The following ALPK1 variants were observed in gnomAD, a reference collection of about 807,000 sequenced individuals.
ALPK1 encodes the protein alpha-protein kinase 1.
In ALPK1, 110 loss-of-function variants were observed where a neutral mutation model predicts 120.6. The ratio of observed to expected loss-of-function variants is 0.91; its 90% CI spans 0.78 to 1.07. The LOEUF (loss-of-function observed/expected upper bound fraction) is 1.07, where lower values mean the gene tolerates loss of function less well. Ranked by LOEUF, ALPK1 falls within the 50% of genes least tolerant of loss-of-function variation. ALPK1 has a pLI of 0.00. For synonymous variants in ALPK1, 582 were observed against 560.3 expected, an observed-to-expected ratio of 1.04 and a Z score of -0.55; for missense variants, 1,498 against 1,483.9, an observed-to-expected ratio of 1.01 and a Z score of -0.16.
chr4:112,363,056 A>G, intron 2 of ALPK1, among the ~76,000 whole-genome samples: 1 of 152,344 alleles, frequency 6.6e-6, no homozygotes, highest in East Asian at 1.9e-4. Context: ...TGCCACTACC[A>G]AGCCAGCACT....
At position 112,305,715 on chromosome 4, in the gene ALPK1, CT is replaced by C. The variant is rs201018280; in HGVS notation, c.-153+8250del. ...GCAAACAGGGACAATTTGACTTCCT[CT>C]TTTCCTAATTGAATACCCTTTATGT... On this transcript the variant is annotated intron_variant, in intron 1 of 15. Transcript: ENST00000650871. 7.7e-3 allele frequency among the ~76,000 whole-genome samples: 1,168 copies of C among 152,222 alleles called. 15 individuals carry two copies. The highest frequency in any genetic ancestry group is 0.046 in the East Asian group (238 of 5,190).
chr4:112,326,784 C>T (rs550065001), intron 2 of ALPK1, among the ~76,000 whole-genome samples: 11 of 152,288 alleles, frequency 7.2e-5, no homozygotes, highest in African/African-American at 1.9e-4. Context: ...TAAATCTAGG[C>T]ATTGTTGATT....
At position 112,410,854 on chromosome 4, in the gene ALPK1, T is replaced by C. The variant is rs558970549; in HGVS notation, c.277-973T>C. The C allele has an allele frequency of 3.2e-5, 5 of 154,546 alleles. No homozygotes were observed. In the South Asian group the frequency reaches 8.1e-4, roughly 25 times the overall value. 9.6% of individuals were successfully genotyped at this position (154,546 alleles called of 1,614,324 possible). ...TTTATTCATTAACTAAACATGATGA[T>C]ATAAATCAAATATGGACTGTTATCT... On this transcript the variant is annotated intron_variant, in intron 4 of 15. Transcript: ENST00000650871.
At chr4:112,374,616 G>C (rs1330674726) in intron 2 of ALPK1, among the ~76,000 whole-genome samples, 2 of 152,196 alleles carry the variant, frequency 1.3e-5, no homozygotes, top group East Asian at 3.8e-4. Context: ...GATATAAGCT[G>C]TGATCACTAT....
intron 2 of ALPK1, among the ~76,000 whole-genome samples, chr4:112,337,523 C>T (rs900144250): frequency 3.3e-5 from 5 of 152,018 alleles, no homozygotes; most frequent in Non-Finnish European, 5.9e-5. Context: ...AGTGAGACTC[C>T]ATCTCTACAA....
intron 2 of ALPK1, chr4:112,358,500 C>A: frequency 1.5e-6 from 1 of 678,102 alleles, no homozygotes; most frequent in East Asian, 2.6e-5. Context: ...CAGAGGCCCT[C>A]AGGGTCACCA....
rs577511360 is a variant in ALPK1, at chr4:112,359,024, G to A, written c.-100-18654G>A. 6.7e-5 allele frequency: 51 copies of A among 765,222 alleles called. 1 individual carries two copies. Among genetic ancestry groups the A allele is most frequent in the South Asian group, 6.6e-4 (49 of 74,514 alleles). The allele number at this position is 765,222 out of a possible 1,614,324, so 47.4% of individuals were successfully genotyped here. A position where few individuals can be genotyped will look rare whatever the true frequency, so the allele number is the denominator to read the frequency against. On this transcript the variant is annotated intron_variant, in intron 2 of 15. Transcript: ENST00000650871. ...TAACAGGACAAGGCTGTGGCTATCG[G>A]CCAGAGCACAGCATTCCCCAAAGGC...
chr4:112,432,722 T>C, intron 11 of ALPK1, 141 bp downstream of exon 11: 9 of 797,706 alleles, frequency 1.1e-5, no homozygotes, highest in Non-Finnish European at 1.8e-5. Flanking sequence ...GAGAAATGTA[T>C]ACTTCAGGGG....
In ALPK1 at chr4:112,391,317, G is replaced by C. The variant is rs75017178; in HGVS notation, c.276+8765G>C. Among the ~76,000 whole-genome samples the C allele has an allele frequency of 5.2e-3, 789 of 152,328 alleles. 6 individuals are homozygous for C. Among genetic ancestry groups the C allele is most frequent in the African/African-American group, 0.018 (746 of 41,570 alleles). Reference sequence around the variant, plus strand: ...TGAGAAGGGCAACAAATGTTGAAGAGAGTGTCAGTGTTACAGCCAAACTGC... The same window carrying C: ...TGAGAAGGGCAACAAATGTTGAAGACAGTGTCAGTGTTACAGCCAAACTGC... On this transcript the variant is annotated intron_variant, in intron 4 of 15. Transcript: ENST00000650871.
At chr4:112,429,000 C>T (rs1189288796) in intron 9 of ALPK1, 149 bp from the exon 10 acceptor site, 12 of 718,888 alleles carry the variant, frequency 1.7e-5, no homozygotes, top group Non-Finnish European at 2.5e-5. Context: ...TCTTTAGACC[C>T]ACTTACTCTT....
chr4:112,431,705 G>T lies in ALPK1; in HGVS notation c.2158G>T (p.Ala720Ser). Reference protein sequence around the residue: ...SAHSRPSYRSASWSSDSGRPK... With the variant: ...SAHSRPSYRSSSWSSDSGRPK... ...TCACTCCAGACCCTCATATCGTTCTGCTTCTTGGTCTTCTGATTCTGGTAG... is the reference window on the plus strand; with the variant it reads ...TCACTCCAGACCCTCATATCGTTCTTCTTCTTGGTCTTCTGATTCTGGTAG... The change falls in exon 11 of 16, where the codon GCT (alanine) becomes TCT (serine). Residue 720 changes from alanine (A) to serine (S), a missense_variant. Coordinates refer to ENST00000650871, the MANE Select transcript of ALPK1 (RefSeq NM_025144.4). The T allele has an allele frequency of 6.2e-7, 1 of 1,614,204 alleles. No homozygotes were observed. Among genetic ancestry groups the T allele is most frequent in the African/African-American group, 1.3e-5 (1 of 75,042 alleles).
intron 4 of ALPK1, among the ~76,000 whole-genome samples, chr4:112,408,856 C>T (rs372782313): frequency 6.4e-4 from 98 of 152,218 alleles, no homozygotes; most frequent in Non-Finnish European, 1.3e-3. Context: ...TTGAGCATGG[C>T]AATTTTAGTT....
chr4:112,300,933 C>A (rs1004501418), intron 1 of ALPK1, among the ~76,000 whole-genome samples: 1 of 152,186 alleles, frequency 6.6e-6, no homozygotes, highest in African/African-American at 2.4e-5. Context: ...TTAACCCCAG[C>A]ACATCTGGTT....
chr4:112,411,762 T>C, intron 4 of ALPK1, 65 bp from the exon 5 acceptor site: 1 of 1,504,380 alleles, frequency 6.6e-7, no homozygotes, highest in Non-Finnish European at 9.0e-7. Flanking sequence ...CCTCCCACGC[T>C]AAGCCTGGCC....
In ALPK1 at chr4:112,432,554, A is replaced by C. The variant is rs1734617797; in HGVS notation, c.3007A>C (p.Lys1003Gln). Residue 1003 changes from lysine (K) to glutamine (Q), a missense_variant, in exon 11 of 16, where the codon AAG becomes CAG. Coordinates refer to ENST00000650871, the MANE Select transcript of ALPK1 (RefSeq NM_025144.4). ...GAGACTAGAGAATACGGGGGTTTTT[A>C]AGCCCAGTCAACTCCACCGAGCACA... ...FQRLENTGVF[K>Q]PSQLHRAHSA... 1.2e-6 allele frequency: 2 copies of C among 1,613,404 alleles called. No homozygotes were observed. The highest frequency in any genetic ancestry group is 1.7e-6 in the Non-Finnish European group (2 of 1,179,966).
intron 2 of ALPK1, among the ~76,000 whole-genome samples, chr4:112,360,518 T>A (rs184285986): frequency 1.1e-3 from 167 of 152,322 alleles, no homozygotes; most frequent in African/African-American, 3.8e-3. Context: ...CTGCAATGAA[T>A]ATGGGAGTGC....
At chr4:112,408,923 A>T (rs543050092) in intron 4 of ALPK1, among the ~76,000 whole-genome samples, 2 of 152,250 alleles carry the variant, frequency 1.3e-5, no homozygotes, top group East Asian at 3.9e-4. Flanking sequence ...ATAAAAGGGG[A>T]TGTGTATTAT....
At chr4:112,340,966 A>G (rs556528751) in intron 2 of ALPK1, among the ~76,000 whole-genome samples, 1 of 152,346 alleles carries the variant, frequency 6.6e-6, no homozygotes, top group South Asian at 2.1e-4. Flanking sequence ...GTTCCCAAAG[A>G]TTGAAAGCCC....
At chr4:112,416,036 T>C (rs960346040) in intron 5 of ALPK1, among the ~76,000 whole-genome samples, 2 of 152,248 alleles carry the variant, frequency 1.3e-5, no homozygotes, top group African/African-American at 4.8e-5. Flanking sequence ...AGTGTTTCAC[T>C]TAATCTCCTC....
Sources: allele counts gnomAD v4.1 joint callset (sites outside exome capture counted in the v4.1 genomes callset), GRCh38; gene constraint gnomAD v4.1.1; transcripts MANE v1.5; gene names NCBI Gene and HGNC (gene_info 2026-07-23, HGNC 2026-07-21).